The following MYO1G variants were observed in gnomAD, a reference collection of about 807,000 sequenced individuals.
The protein encoded by MYO1G is myosin IG, also known as unconventional myosin-Ig.
MYO1G carries 65 observed loss-of-function variants against 115.3 expected under a neutral mutation model. That is an observed-to-expected ratio of 0.56 (90% CI 0.46 to 0.69). The LOEUF is 0.69. Among genes scored for constraint, MYO1G ranks in the 30% least tolerant of loss-of-function variants. The pLI, the probability that MYO1G is intolerant of heterozygous loss-of-function variation, is 0.00. For synonymous variants in MYO1G, 510 were observed against 552.6 expected (o/e 0.92, Z 1.08); for missense variants, 1,204 against 1,393.5 (o/e 0.86, Z 2.16).
In MYO1G at chr7:44,963,092, G is replaced by A. The variant is rs760042862; in HGVS notation, c.2778C>T (p.Asp926=). 4 of 1,519,074 alleles carry A rather than the reference G, an allele frequency of 2.6e-6. No homozygotes were observed. The highest frequency in any genetic ancestry group is 4.1e-5 in the Admixed American group (2 of 49,124). 94.1% of individuals were successfully genotyped at this position (1,519,074 alleles called of 1,614,324 possible). ...CGCGGGCGTGCAGCACCACCAGCTG[G>A]TCTCCTCCGCTGGTCACGCTCAGCC... is the stretch of plus-strand genomic sequence containing the variant. ...VTGLSVTSGG[D]QLVVLHARGQ... is the part of the protein sequence containing the mutation. Residue 926 remains aspartate (D), a synonymous_variant, in exon 21 of 22, where the codon GAC becomes GAT. Coordinates refer to ENST00000258787, the MANE Select transcript of MYO1G (RefSeq NM_033054.3). This position sits in a 1 kb window ranked among gnomAD's most constrained non-coding sequence, Gnocchi z 4.1.
At chr7:44,965,158 C>T (rs1794817816) in intron 17 of MYO1G, 69 bp from the exon 18 acceptor site, 7 of 1,544,970 alleles carry the variant, frequency 4.5e-6, no homozygotes, top group Non-Finnish European at 6.1e-6. Context: ...CCCCTCTCCA[C>T]AGAGGAAGCT....
At chr7:44,974,396 C>T (rs894801821) in intron 5 of MYO1G, 3 of 152,090 alleles carry the variant, frequency 2.0e-5, no homozygotes, top group African/African-American at 4.8e-5. Flanking sequence ...ATGGAAACAC[C>T]GCCTGTGTAC....
At position 44,970,736 on chromosome 7, in the gene MYO1G, G is replaced by C. The variant is rs1350175797; in HGVS notation, c.1073C>G (p.Ala358Gly). Residue 358 changes from alanine to glycine, a missense_variant and splice_region_variant, in exon 9 of 22, where the codon GCA becomes GGA. Transcript: ENST00000258787. ...CCACTCAAACAGCCGCTGGTACACT[G>C]CCTGGGGGATAGGAACACCCTGCTT... ...ASYARDACAK[A>G]VYQRLFEWVV... is the part of the protein sequence containing the mutation. 1 of 1,613,866 alleles carries C rather than the reference G, an allele frequency of 6.2e-7. No individual in the cohort carries two copies. The highest frequency in any genetic ancestry group is 8.5e-7 in the Non-Finnish European group (1 of 1,180,028).
At position 44,969,906 on chromosome 7, in the gene MYO1G, C is replaced by A; in HGVS notation, c.1333-31G>T. 1 of 1,590,686 alleles carries A rather than the reference C, an allele frequency of 6.3e-7. No individual in the cohort carries two copies. Among genetic ancestry groups the A allele is most frequent in the South Asian group, 1.1e-5 (1 of 87,268 alleles). On this transcript the variant is annotated intron_variant, in intron 10 of 21. Coordinates refer to ENST00000258787, the MANE Select transcript of MYO1G (RefSeq NM_033054.3). This position sits in a 1 kb window ranked among gnomAD's most constrained non-coding sequence, Gnocchi z 5.0. ...GCAAAGGCAGCCAGCAAGGAAGCTC[C>A]CAAGGTCTTTCAGGCCACCTCCCCT...
chr7:44,967,611 G>A lies in MYO1G; in HGVS notation c.1776C>T (p.Ala592=). The A allele has an allele frequency of 6.2e-7, 1 of 1,613,850 alleles. No homozygotes were observed. The highest frequency in any genetic ancestry group is 8.5e-7 in the Non-Finnish European group (1 of 1,180,016). Residue 592 remains alanine, a synonymous_variant, in exon 14 of 22, where the codon GCC becomes GCT. Coordinates refer to ENST00000258787, the MANE Select transcript of MYO1G (RefSeq NM_033054.3). Reference sequence around the variant, plus strand: ...GGAGAGGGGTGGAACATACCTTGGAGGCAAGGTTCTCCACCAGGGCCACCA... The same window carrying A: ...GGAGAGGGGTGGAACATACCTTGGAAGCAAGGTTCTCCACCAGGGCCACCA... The part of the protein sequence containing the change: ...NSMVALVENL[A]SKEPFYVRCI...
intron 13 of MYO1G, 45 bp from the exon 14 acceptor site, chr7:44,967,782 C>A (rs535687056): frequency 1.2e-6 from 2 of 1,611,814 alleles, no homozygotes; most frequent in East Asian, 2.2e-5. Flanking sequence ...GGGAGAGCAG[C>A]CCCACCCACC....
Position 44,969,856 on chromosome 7 carries a change from G to C in MYO1G, c.1352C>G (p.Ala451Gly). Reference protein sequence around the residue: ...TWQSVEYFNNATIVDLVERPH... With the variant: ...TWQSVEYFNNGTIVDLVERPH... ...CCGCTCCACCAGATCCACAATGGTG[G>C]CGTTGTTGAAATACTCAACCTGGGG... Residue 451 changes from alanine (A) to glycine (G), a missense_variant, in exon 11 of 22, where the codon GCC (alanine) becomes GGC (glycine). Ala to Gly is a moderately conservative substitution (Grantham distance 60, BLOSUM62 0). Coordinates refer to ENST00000258787, the MANE Select transcript of MYO1G (RefSeq NM_033054.3). This position sits in a 1 kb window ranked among gnomAD's most constrained non-coding sequence, Gnocchi z 5.0. The C allele has an allele frequency of 1.2e-6, 2 of 1,609,770 alleles. No individual in the cohort carries two copies. The highest frequency in any genetic ancestry group is 2.2e-5 in the East Asian group (1 of 44,810).
Position 44,964,005 on chromosome 7 carries a change from C to G in MYO1G, c.2745+44G>C. ...CAGGACTCTGAGCAGCCCAGCAGTG[C>G]CCCTCACAGATGCTGCACCCTACTC... On this transcript the variant is annotated intron_variant, in intron 20 of 21. Transcript: ENST00000258787. The surrounding 1 kb of genome is among the most constrained non-coding windows in gnomAD (Gnocchi z 5.1). The G allele has an allele frequency of 6.9e-7, 1 of 1,443,848 alleles. No individual in the cohort carries two copies. Among genetic ancestry groups the G allele is most frequent in the South Asian group, 1.2e-5 (1 of 81,962 alleles). The allele number at this position is 1,443,848 out of a possible 1,614,324, so 89.4% of individuals were successfully genotyped here.
In MYO1G at chr7:44,966,555, C is replaced by T; in HGVS notation, c.1949+117G>A. ...TTGGTGTCTTGAGGCCAGCAGCGTG[C>T]TGGTTCCTGCTTGTATCGATGTTTG... On this transcript the variant is annotated intron_variant, in intron 15 of 21. Coordinates refer to ENST00000258787, the MANE Select transcript of MYO1G (RefSeq NM_033054.3). This position sits in a 1 kb window ranked among gnomAD's most constrained non-coding sequence, Gnocchi z 5.0. The T allele has an allele frequency of 7.6e-7, 1 of 1,308,254 alleles. No homozygotes were observed. Among genetic ancestry groups the T allele is most frequent in the Non-Finnish European group, 1.1e-6 (1 of 918,246 alleles). The allele number at this position is 1,308,254 out of a possible 1,614,324, so 81.0% of individuals were successfully genotyped here.
rs543341154 is a variant in MYO1G, at chr7:44,965,538, G to T, written c.2381+99C>A. The T allele has an allele frequency of 1.7e-5, 19 of 1,135,310 alleles. No homozygotes were observed. In the African/African-American group the frequency reaches 2.6e-4, roughly 15 times the overall value. 70.3% of individuals were successfully genotyped at this position (1,135,310 alleles called of 1,614,324 possible). ...CACCTTCCCACCTATCAAGGGGGCT[G>T]GTGTATCTCCCATCCAGGCACTGCA... is the stretch of plus-strand genomic sequence containing the variant. On this transcript the variant is annotated intron_variant, in intron 17 of 21. Coordinates refer to ENST00000258787, the MANE Select transcript of MYO1G (RefSeq NM_033054.3).
chr7:44,971,109 C>T, intron 7 of MYO1G, 50 bp from the exon 8 acceptor site: 1 of 1,528,934 alleles, frequency 6.5e-7, no homozygotes. Flanking sequence ...CTCAAAAGAG[C>T]CTGGACAACT....
chr7:44,963,820 T>C lies in MYO1G; in HGVS notation c.2745+229A>G. 1.9e-6 allele frequency: 1 copy of C among 518,690 alleles called. No homozygotes were observed. Among genetic ancestry groups the C allele is most frequent in the Non-Finnish European group, 3.4e-6 (1 of 291,072 alleles). 32.1% of individuals were successfully genotyped at this position (518,690 alleles called of 1,614,324 possible). A position where few individuals can be genotyped will look rare whatever the true frequency, so the allele number is the denominator to read the frequency against. On this transcript the variant is annotated intron_variant, in intron 20 of 21. Coordinates refer to ENST00000258787, the MANE Select transcript of MYO1G (RefSeq NM_033054.3). This position sits in a 1 kb window ranked among gnomAD's most constrained non-coding sequence, Gnocchi z 4.1. Reference sequence around the variant, plus strand: ...ATTTGGCTTGGCTAGAGTGTGAGAGTGGGGGTGGGGGGTGACTGGGCTGGT... The same window carrying C: ...ATTTGGCTTGGCTAGAGTGTGAGAGCGGGGGTGGGGGGTGACTGGGCTGGT...
Position 44,967,637 on chromosome 7 carries a change from T to C in MYO1G, c.1750A>G (p.Met584Val). 1 of 1,613,888 alleles carries C rather than the reference T, an allele frequency of 6.2e-7. No homozygotes were observed. Among genetic ancestry groups the C allele is most frequent in the Non-Finnish European group, 8.5e-7 (1 of 1,180,026 alleles). Residue 584 changes from methionine (M) to valine (V), a missense_variant, in exon 14 of 22, where the codon ATG becomes GTG. Met to Val is a conservative substitution (Grantham distance 21, BLOSUM62 1). Coordinates refer to ENST00000258787, the MANE Select transcript of MYO1G (RefSeq NM_033054.3). Reference protein sequence around the residue: ...LTAGTLFKNSMVALVENLASK... With the variant: ...LTAGTLFKNSVVALVENLASK... ...GCAAGGTTCTCCACCAGGGCCACCA[T>C]GGAGTTCTTGAAGAGTGTGCCAGCC...
intron 9 of MYO1G, among the ~76,000 whole-genome samples, 155 bp from the exon 10 acceptor site, chr7:44,970,309 T>C (rs886083476): frequency 7.7e-4 from 117 of 152,172 alleles, no homozygotes; most frequent in African/African-American, 2.8e-3. Flanking sequence ...ATCCCTGCCC[T>C]GGACTCCTTT....
At chr7:44,967,584 T>G (rs985252865) in intron 14 of MYO1G, 21 bp downstream of exon 14, 1 of 1,612,868 alleles carries the variant, frequency 6.2e-7, no homozygotes, top group Non-Finnish European at 8.5e-7. Context: ...ACAGCCAGAG[T>G]GGGAGAGGGG....
chr7:44,964,710 G>C lies in MYO1G; in HGVS notation c.2527-191C>G, dbSNP rs554347700. 2.6e-5 allele frequency among the ~76,000 whole-genome samples: 4 copies of C among 152,228 alleles called. No homozygotes were observed. Among genetic ancestry groups the C allele is most frequent in the African/African-American group, 9.6e-5 (4 of 41,548 alleles). On this transcript the variant is annotated intron_variant, in intron 18 of 21. Transcript: ENST00000258787. The surrounding 1 kb of genome is among the most constrained non-coding windows in gnomAD (Gnocchi z 5.1). Reference sequence around the variant, plus strand: ...AGAGCCCTCTTGTGTTGACTTCTAGGCTGCATCTGAGCCTGGCCCTCCTGT... The same window carrying C: ...AGAGCCCTCTTGTGTTGACTTCTAGCCTGCATCTGAGCCTGGCCCTCCTGT...
Position 44,969,498 on chromosome 7 carries a change from T to G in MYO1G, c.1504-15A>C, listed in dbSNP as rs1252181483. The G allele has an allele frequency of 1.2e-6, 2 of 1,613,536 alleles. No individual in the cohort carries two copies. The highest frequency in any genetic ancestry group is 1.3e-5 in the African/African-American group (1 of 74,870). ...GTGGGGCAGAGCTATGGGGACAGGC[T>G]GAGGTCAAGGCACAAAAGGTATGTG... is the stretch of plus-strand genomic sequence containing the variant. On this transcript the variant is annotated splice_polypyrimidine_tract_variant and intron_variant, in intron 11 of 21. Transcript: ENST00000258787. The surrounding 1 kb of genome is among the most constrained non-coding windows in gnomAD (Gnocchi z 5.0).
chr7:44,974,272 C>A (rs12536743), intron 5 of MYO1G: 29,431 of 151,370 alleles, frequency 0.19, 3,189 homozygotes, highest in Non-Finnish European at 0.22. Flanking sequence ...GGTTCATAGA[C>A]CCTGGAGACC....
chr7:44,975,183 G>A lies in MYO1G; in HGVS notation c.609C>T (p.Ala203=), dbSNP rs1254280122. Residue 203 remains alanine, a synonymous_variant, in exon 5 of 22, where the codon GCC becomes GCT. Coordinates refer to ENST00000258787, the MANE Select transcript of MYO1G (RefSeq NM_033054.3). ...KQHVGERNFH[A]FYQLLRGSED... is the part of the protein sequence containing the mutation. ...TGCCCTCAGGGCTTACTTGGTAGAAGGCGTGGAAGTTTCTTTCACCCACGT... is the reference window on the plus strand; with the variant it reads ...TGCCCTCAGGGCTTACTTGGTAGAAAGCGTGGAAGTTTCTTTCACCCACGT... 1 of 1,613,970 alleles carries A rather than the reference G, an allele frequency of 6.2e-7. No homozygotes were observed. Among genetic ancestry groups the A allele is most frequent in the African/African-American group, 1.3e-5 (1 of 74,910 alleles).
Sources: allele counts gnomAD v4.1 joint callset (sites outside exome capture counted in the v4.1 genomes callset), GRCh38; gene constraint gnomAD v4.1.1; non-coding constraint Gnocchi (gnomAD v3.1); transcripts MANE v1.5; gene names NCBI Gene and HGNC (gene_info 2026-07-23, HGNC 2026-07-21).